C2orf68: variants seen among roughly 807,000 people sequenced by gnomAD.
The protein encoded by C2orf68 is chromosome 2 open reading frame 68, also known as UPF0561 protein C2orf68.
C2orf68 carries 15 observed loss-of-function variants against 19.1 expected under a neutral mutation model. The observed-to-expected ratio is 0.79, with a 90% CI of 0.53 to 1.21. The LOEUF (loss-of-function observed/expected upper bound fraction) is 1.21. Ranked by LOEUF, C2orf68 falls within the 50% of genes most tolerant of loss-of-function variation. C2orf68 has a pLI of 0.00. For missense variants in C2orf68, 242 were observed against 226.6 expected (o/e 1.07, Z -0.44); for synonymous variants, 98 against 91.0 (o/e 1.08, Z -0.44).
rs750775320 is a variant in C2orf68 at position 85,609,480 on chromosome 2, T to C, written c.333A>G (p.Glu111=). The C allele has an allele frequency of 6.2e-7, 1 of 1,614,232 alleles. No homozygotes were observed. Residue 111 remains glutamate (E), a synonymous_variant, in exon 3 of 4, where the codon GAA becomes GAG. Coordinates refer to ENST00000306336, the MANE Select transcript of C2orf68 (RefSeq NM_001013649.4). ...EPSGHQLFCL[E]YEADSGEVTS... ...TGACCTCTCCACTGTCTGCCTCGTA[T>C]TCTAAGCAGAAGAGCTGATGGCCAG...
intron 2 of C2orf68, 50 bp from the exon 3 acceptor site, chr2:85,609,636 G>C: frequency 1.2e-6 from 2 of 1,606,800 alleles, no homozygotes. Flanking sequence ...GCTGCTGAAG[G>C]CCCTGTCCAT....
rs1470885429 is a variant in C2orf68, at chr2:85,607,153, C to A, written c.*1792G>T. On this transcript the variant is annotated 3_prime_UTR_variant, in exon 4 of 4. Coordinates refer to ENST00000306336, the MANE Select transcript of C2orf68 (RefSeq NM_001013649.4). ...TAATAAAACCAGGAAACAGGTGATC[C>A]AGCTGTGCGAAAACAGACCTCAAAT... 6.6e-6 allele frequency: 1 copy of A among 152,140 alleles called. No homozygotes were observed. The highest frequency in any genetic ancestry group is 1.5e-5 in the Non-Finnish European group (1 of 68,036). The allele number at this position is 152,140 out of a possible 1,614,324, so 9.4% of individuals were successfully genotyped here.
At chr2:85,609,346 G>A in intron 3 of C2orf68, 89 bp downstream of exon 3, 1 of 1,524,656 alleles carries the variant, frequency 6.6e-7, no homozygotes. Flanking sequence ...TCCCATTGGG[G>A]GTCCTGAGGA....
In C2orf68 at chr2:85,606,073, C is replaced by T. The variant is rs80141585; in HGVS notation, c.*2872G>A. Among the ~76,000 whole-genome samples, 504 of 152,238 alleles carry T rather than the reference C, an allele frequency of 3.3e-3. 4 individuals carry two copies. Among genetic ancestry groups the T allele is most frequent in the African/African-American group, 0.012 (494 of 41,522 alleles). ...TATCAGTGACATCACCCATTGTGGCCGAGGAACCACAAAACCTTAAAATAC... is the reference window on the plus strand; with the variant it reads ...TATCAGTGACATCACCCATTGTGGCTGAGGAACCACAAAACCTTAAAATAC... On this transcript the variant is annotated 3_prime_UTR_variant, in exon 4 of 4. Coordinates refer to ENST00000306336, the MANE Select transcript of C2orf68 (RefSeq NM_001013649.4).
chr2:85,611,941 G>A lies in C2orf68; in HGVS notation c.44C>T (p.Pro15Leu). ...GTGGTTCATGTCCAGCCGCCCCCCAGGCTTGCAGCAGTGCCCCGGCCGGGG... is the reference window on the plus strand; with the variant it reads ...GTGGTTCATGTCCAGCCGCCCCCCAAGCTTGCAGCAGTGCCCCGGCCGGGG... ...PHPRPGHCCKPGGRLDMNHGF... is the reference protein window; with the variant it reads ...PHPRPGHCCKLGGRLDMNHGF... Residue 15 changes from proline (P) to leucine (L), a missense_variant, in exon 1 of 4, where the codon CCT (proline) becomes CTT (leucine). Coordinates refer to ENST00000306336, the MANE Select transcript of C2orf68 (RefSeq NM_001013649.4). 1.3e-6 allele frequency: 2 copies of A among 1,583,264 alleles called. No homozygotes were observed. The highest frequency in any genetic ancestry group is 1.7e-6 in the Non-Finnish European group (2 of 1,172,350).
rs550343745 is a variant in C2orf68 at position 85,611,338 on chromosome 2, G to A, written c.226+330C>T. The A allele has an allele frequency of 5.5e-4, 788 of 1,438,112 alleles. 9 individuals carry two copies. The highest frequency in any genetic ancestry group is 4.5e-3 in the South Asian group (302 of 66,934). 89.1% of individuals were successfully genotyped at this position (1,438,112 alleles called of 1,614,324 possible). A position where few individuals can be genotyped will look rare whatever the true frequency, so the allele number is the denominator to read the frequency against. ...TTTACTGGGTTCATTCCGCAATTAT[G>A]TGCTGGTCGCTCATCGCTGTGCCAG... is the stretch of plus-strand genomic sequence containing the variant. On this transcript the variant is annotated intron_variant, in intron 2 of 3. Coordinates refer to ENST00000306336, the MANE Select transcript of C2orf68 (RefSeq NM_001013649.4).
chr2:85,605,729 G>C lies in C2orf68; in HGVS notation c.*3216C>G, dbSNP rs891680235. Among the ~76,000 whole-genome samples, 10 of 152,136 alleles carry C rather than the reference G, an allele frequency of 6.6e-5. No individual in the cohort carries two copies. The highest frequency in any genetic ancestry group is 9.7e-5 in the African/African-American group (4 of 41,420). On this transcript the variant is annotated 3_prime_UTR_variant, in exon 4 of 4. Coordinates refer to ENST00000306336, the MANE Select transcript of C2orf68 (RefSeq NM_001013649.4). ...GGGATCCATTACCTAGCCATTCAGA[G>C]ATCCTGTCAAATGCACAGCAGATTG...
rs775005531 is a variant in C2orf68, at chr2:85,609,030, G to A, written c.416C>T (p.Ala139Val). The change falls in exon 4 of 4, where the codon GCA becomes GTA. Residue 139 changes from alanine to valine, a missense_variant. Coordinates refer to ENST00000306336, the MANE Select transcript of C2orf68 (RefSeq NM_001013649.4). ...DPGKVSEKVS[A>V]HTPLDPPMRE... Reference sequence around the variant, plus strand: ...CATGGGTGGATCCAGAGGCGTGTGTGCCGACACCTTCTCACTCACCTTTCC... The same window carrying A: ...CATGGGTGGATCCAGAGGCGTGTGTACCGACACCTTCTCACTCACCTTTCC... 6.2e-7 allele frequency: 1 copy of A among 1,614,254 alleles called. No homozygotes were observed. Among genetic ancestry groups the A allele is most frequent in the South Asian group, 1.1e-5 (1 of 91,084 alleles).
In C2orf68 at chr2:85,606,508, C is replaced by T. The variant is rs183321533; in HGVS notation, c.*2437G>A. The stretch of plus-strand genomic sequence containing the variant: ...GCCATCCTTGGGCAGGCATTTCAGA[C>T]ACATCTGTAGAGAGGGCAGTAGCAT... On this transcript the variant is annotated 3_prime_UTR_variant, in exon 4 of 4. Transcript: ENST00000306336. 9 of 152,346 alleles carry T rather than the reference C, an allele frequency of 5.9e-5. No individual in the cohort carries two copies. Among genetic ancestry groups the T allele is most frequent in the African/African-American group, 2.2e-4 (9 of 41,582 alleles). The allele number at this position is 152,346 out of a possible 1,614,324, so 9.4% of individuals were successfully genotyped here. A position where few individuals can be genotyped will look rare whatever the true frequency, so the allele number is the denominator to read the frequency against.
chr2:85,609,625 T>C (rs769812404), intron 2 of C2orf68, 39 bp from the exon 3 acceptor site: 3 of 1,611,486 alleles, frequency 1.9e-6, no homozygotes, highest in Non-Finnish European at 2.5e-6. Context: ...AGAGGGGGGG[T>C]GCTGCTGAAG....
chr2:85,610,019 T>G (rs1673407817), intron 2 of C2orf68, among the ~76,000 whole-genome samples: 2 of 146,738 alleles, frequency 1.4e-5, no homozygotes. Flanking sequence ...AGTGGTTTTT[T>G]TTTTTTTTTT....
chr2:85,611,928 C>T lies in C2orf68; in HGVS notation c.57G>A (p.Leu19=), dbSNP rs1270998257. The T allele has an allele frequency of 2.5e-6, 4 of 1,588,038 alleles. No homozygotes were observed. Among genetic ancestry groups the T allele is most frequent in the Non-Finnish European group, 3.4e-6 (4 of 1,173,812 alleles). ...GGTGCACGAAGCCGTGGTTCATGTC[C>T]AGCCGCCCCCCAGGCTTGCAGCAGT... The part of the protein sequence containing the change: ...PGHCCKPGGR[L]DMNHGFVHHI... Residue 19 remains leucine, a synonymous_variant, in exon 1 of 4, where the codon CTG becomes CTA. Coordinates refer to ENST00000306336, the MANE Select transcript of C2orf68 (RefSeq NM_001013649.4).
In C2orf68 at chr2:85,606,394, G is replaced by A. The variant is rs1673215486; in HGVS notation, c.*2551C>T. On this transcript the variant is annotated 3_prime_UTR_variant, in exon 4 of 4. Transcript: ENST00000306336. Reference sequence around the variant, plus strand: ...GTAGATGTCTGGAGGCAGGTCTGGTGAATAAACTGAATAGTACTGCCTTGG... The same window carrying A: ...GTAGATGTCTGGAGGCAGGTCTGGTAAATAAACTGAATAGTACTGCCTTGG... Among the ~76,000 whole-genome samples the A allele has an allele frequency of 6.6e-6, 1 of 152,200 alleles. No homozygotes were observed. The highest frequency in any genetic ancestry group is 1.5e-5 in the Non-Finnish European group (1 of 68,028).
At chr2:85,611,613 A>G in intron 2 of C2orf68, 55 bp downstream of exon 2, 1 of 1,557,852 alleles carries the variant, frequency 6.4e-7, no homozygotes, top group East Asian at 2.4e-5. Flanking sequence ...AGAGAAGGGG[A>G]GTGCGTTGCA....
chr2:85,609,620 G>T lies in C2orf68; in HGVS notation c.227-34C>A, dbSNP rs777453681. 1.9e-5 allele frequency: 30 copies of T among 1,612,570 alleles called. No individual in the cohort carries two copies. The Admixed American group carries it at 4.7e-4, about 25-fold the overall frequency. Reference sequence around the variant, plus strand: ...ATGAACCACAGTAAGAAAGAAGAGGGGGGGTGCTGCTGAAGGCCCTGTCCA... The same window carrying T: ...ATGAACCACAGTAAGAAAGAAGAGGTGGGGTGCTGCTGAAGGCCCTGTCCA... On this transcript the variant is annotated intron_variant, in intron 2 of 3. Transcript: ENST00000306336.
At position 85,609,063 on chromosome 2, in the gene C2orf68, T is replaced by A. The variant is rs1268981734; in HGVS notation, c.383A>T (p.Asp128Val). 1 of 1,614,056 alleles carries A rather than the reference T, an allele frequency of 6.2e-7. No homozygotes were observed. The highest frequency in any genetic ancestry group is 8.5e-7 in the Non-Finnish European group (1 of 1,180,028). ...CTTCTCACTCACCTTTCCTGGGTCA[T>A]CACCCTACGTGGAGGAAGAGTCAGA... Reference protein sequence around the residue: ...EVTSVIVYQGDDPGKVSEKVS... With the variant: ...EVTSVIVYQGVDPGKVSEKVS... The change falls in exon 4 of 4, where the codon GAT becomes GTT. Residue 128 changes from aspartate (D) to valine (V), a missense_variant. Transcript: ENST00000306336.
Position 85,611,733 on chromosome 2 carries a change from C to T in C2orf68, c.161G>A (p.Arg54Gln). The change falls in exon 2 of 4, where the codon CGG (arginine) becomes CAG (glutamine). Residue 54 changes from arginine (R) to glutamine (Q), a missense_variant. Arg to Gln is a conservative substitution (Grantham distance 43, BLOSUM62 1). Transcript: ENST00000306336. ...GGGCCGCGTCGGCGCGGGCGTGTGCCGCCTCCTCACCTTCTCCTTGGCCGC... is the reference window on the plus strand; with the variant it reads ...GGGCCGCGTCGGCGCGGGCGTGTGCTGCCTCCTCACCTTCTCCTTGGCCGC... ...KQAAKEKVRR[R>Q]HTPAPTRPRK... 5 of 1,608,472 alleles carry T rather than the reference C, an allele frequency of 3.1e-6. No individual in the cohort carries two copies. The highest frequency in any genetic ancestry group is 4.2e-6 in the Non-Finnish European group (5 of 1,178,062).
At position 85,607,039 on chromosome 2, in the gene C2orf68, TC is replaced by T. The variant is rs1673240062; in HGVS notation, c.*1905del. On this transcript the variant is annotated 3_prime_UTR_variant, in exon 4 of 4. Coordinates refer to ENST00000306336, the MANE Select transcript of C2orf68 (RefSeq NM_001013649.4). The stretch of plus-strand genomic sequence containing the variant: ...ATTTCATGATCCGCCCGCCTCGGCC[TC>T]CCTACCTCTTCCTTTACTTAATAAG... 2.0e-5 allele frequency: 3 copies of T among 152,184 alleles called. No homozygotes were observed. Among genetic ancestry groups the T allele is most frequent in the Non-Finnish European group, 4.4e-5 (3 of 68,032 alleles). The allele number at this position is 152,184 out of a possible 1,614,324, so 9.4% of individuals were successfully genotyped here. A position where few individuals can be genotyped will look rare whatever the true frequency, so the allele number is the denominator to read the frequency against.
In C2orf68 at chr2:85,611,825, G is replaced by GGGCCA. The variant is rs543992256; in HGVS notation, c.108-44_108-40dup. ...AGCGGGAGTCAGGGACTGTCGGGCC[G>GGGCCA]GGCCAGGCCAGGCCAGGAGTGGTGG... is the stretch of plus-strand genomic sequence containing the variant. On this transcript the variant is annotated intron_variant, in intron 1 of 3. Transcript: ENST00000306336. The GGGCCA allele has an allele frequency of 7.5e-4, 1,198 of 1,607,028 alleles. 5 individuals are homozygous for GGGCCA. In the African/African-American group the frequency reaches 0.014, roughly 18 times the overall value.
Sources: allele counts gnomAD v4.1 joint callset (sites outside exome capture counted in the v4.1 genomes callset), GRCh38; gene constraint gnomAD v4.1.1; transcripts MANE v1.5; gene names NCBI Gene and HGNC (gene_info 2026-07-23, HGNC 2026-07-21).